AKT3: variants seen among roughly 807,000 people sequenced by gnomAD.
AKT3 encodes the protein AKT serine/threonine kinase 3, also known as RAC-gamma serine/threonine-protein kinase.
AKT3 carries 15 observed loss-of-function variants against 65.3 expected under a neutral mutation model. That is an observed-to-expected ratio of 0.23 (90% CI 0.15 to 0.35). AKT3 has a LOEUF of 0.35. Ranked by LOEUF, AKT3 falls within the 10% of genes least tolerant of loss-of-function variation. The probability of loss-of-function intolerance (pLI) is 1.00; values close to 1 mark genes in which losing one functional copy is unlikely to be tolerated. For missense variants in AKT3, 243 were observed against 576.5 expected (o/e 0.42, Z 5.92); for synonymous variants, 206 against 183.8 (o/e 1.12, Z -0.98).
At chr1:243,566,880 T>C (rs1048705056) in intron 9 of AKT3, among the ~76,000 whole-genome samples, 2 of 152,222 alleles carry the variant, frequency 1.3e-5, no homozygotes, top group Admixed American at 1.3e-4. Flanking sequence ...AAACACTGTA[T>C]TTTAAAGAAA....
chr1:243,683,187 T>C (rs542269239), intron 3 of AKT3, among the ~76,000 whole-genome samples: 36 of 152,280 alleles, frequency 2.4e-4, no homozygotes, highest in African/African-American at 8.2e-4. Flanking sequence ...ATGGGGAGCA[T>C]AATACTTACC....
At chr1:243,661,187 C>T (rs893027985) in intron 4 of AKT3, among the ~76,000 whole-genome samples, 12 of 152,150 alleles carry the variant, frequency 7.9e-5, no homozygotes, top group Non-Finnish European at 1.3e-4. Flanking sequence ...TGACTTTCTT[C>T]ACAGAATTGG....
At chr1:243,772,532 A>C (rs1360862942) in intron 2 of AKT3, among the ~76,000 whole-genome samples, 1 of 152,176 alleles carries the variant, frequency 6.6e-6, no homozygotes, top group African/African-American at 2.4e-5. Flanking sequence ...AAAAGTCAGG[A>C]AACAACAGGT....
intron 2 of AKT3, among the ~76,000 whole-genome samples, chr1:243,778,393 T>C (rs1271786402): frequency 1.3e-5 from 2 of 152,134 alleles, no homozygotes; most frequent in African/African-American, 2.4e-5. Flanking sequence ...CCAGAGAAGA[T>C]GACACAAACT....
chr1:243,632,230 T>C (rs569560396), intron 6 of AKT3, among the ~76,000 whole-genome samples: 3 of 152,296 alleles, frequency 2.0e-5, no homozygotes, highest in South Asian at 4.1e-4. Context: ...ATAATAAGAC[T>C]TGAAAGTTGA....
chr1:243,530,981 ATATG>A (rs1041571497), intron 12 of AKT3, among the ~76,000 whole-genome samples: 1 of 152,242 alleles, frequency 6.6e-6, no homozygotes, highest in Non-Finnish European at 1.5e-5. Flanking sequence ...ACATTGTACT[ATATG>A]TATTTTCAAA....
rs543957108 is a variant in AKT3, at chr1:243,563,903, ATACCAT to A, written c.820-61_820-56del. 431 of 1,525,044 alleles carry A rather than the reference ATACCAT, an allele frequency of 2.8e-4. 1 individual carries two copies. In the African/African-American group the frequency reaches 5.3e-3, roughly 19 times the overall value. 94.5% of individuals were successfully genotyped at this position (1,525,044 alleles called of 1,614,324 possible). Reference sequence around the variant, plus strand: ...TTCTATAGTCTTCAACAACATGAAAATACCATTTTAAAAAACTACTGAATGCTGAGT... The same window carrying A: ...TTCTATAGTCTTCAACAACATGAAAATTTAAAAAACTACTGAATGCTGAGT... On this transcript the variant is annotated intron_variant, in intron 9 of 13. Coordinates refer to ENST00000673466, the MANE Select transcript of AKT3 (RefSeq NM_005465.7).
downstream of AKT3, among the ~76,000 whole-genome samples, chr1:243,498,470 C>T (rs1329913813): frequency 6.6e-6 from 1 of 152,196 alleles, no homozygotes; most frequent in Non-Finnish European, 1.5e-5. Flanking sequence ...GTGAGGCCTC[C>T]TGCCGGAGCC....
At chr1:243,518,317 T>C (rs1309809669) in intron 12 of AKT3, among the ~76,000 whole-genome samples, 3 of 152,136 alleles carry the variant, frequency 2.0e-5, no homozygotes, top group East Asian at 1.9e-4. Flanking sequence ...ATGGGGAACA[T>C]TGTCGGGTAG....
intron 2 of AKT3, among the ~76,000 whole-genome samples, chr1:243,773,171 G>A (rs1690304483): frequency 6.7e-6 from 1 of 148,516 alleles, no homozygotes; most frequent in Admixed American, 6.7e-5. Context: ...ATGTACCCTA[G>A]AACTTAAAGT....
intron 2 of AKT3, chr1:243,814,845 C>G (rs772695715): frequency 6.6e-6 from 1 of 152,210 alleles, no homozygotes; most frequent in Non-Finnish European, 1.5e-5. Context: ...AGCAAAACTA[C>G]GATCAGCACT....
intron 10 of AKT3, among the ~76,000 whole-genome samples, chr1:243,559,400 C>G (rs1435525109): frequency 6.6e-6 from 1 of 152,138 alleles, no homozygotes; most frequent in African/African-American, 2.4e-5. Context: ...GCATTGTAAG[C>G]TGCATTCTTC....
chr1:243,512,501 G>C (rs1222780410), intron 12 of AKT3, 75 bp from the exon 13 acceptor site: 2 of 887,574 alleles, frequency 2.3e-6, no homozygotes, highest in East Asian at 2.6e-5. Context: ...AAAAAGCAGA[G>C]AGCACGTAGT....
At position 243,685,712 on chromosome 1, in the gene AKT3, C is replaced by G. The variant is rs138054103; in HGVS notation, c.172+9879G>C. Among the ~76,000 whole-genome samples the G allele has an allele frequency of 3.4e-4, 51 of 152,214 alleles. 1 individual carries two copies. In the East Asian group the frequency reaches 9.9e-3, roughly 29 times the overall value. On this transcript the variant is annotated intron_variant, in intron 3 of 13. Transcript: ENST00000673466. ...AACCAGCACAAGACAAGGATGCCCT[C>G]TCTCACCACTCCTATTCAACATAGT...
intron 13 of AKT3, among the ~76,000 whole-genome samples, chr1:243,510,576 G>T (rs1350865716): frequency 6.6e-6 from 1 of 152,212 alleles, no homozygotes; most frequent in South Asian, 2.1e-4. Flanking sequence ...AGTAAGATCA[G>T]GGAAGAAGAG....
intron 3 of AKT3, among the ~76,000 whole-genome samples, chr1:243,692,920 G>A (rs548247881): frequency 6.6e-6 from 1 of 151,968 alleles, no homozygotes; most frequent in Admixed American, 6.6e-5. Context: ...TAGCAATTAA[G>A]TGGTCACTCA....
intron 4 of AKT3, among the ~76,000 whole-genome samples, chr1:243,661,400 G>A (rs560000595): frequency 2.9e-4 from 43 of 150,472 alleles, no homozygotes; most frequent in South Asian, 2.1e-4. Flanking sequence ...CAGAAATGAC[G>A]CATATCTACA....
chr1:243,773,629 C>A (rs1341634978), intron 2 of AKT3, among the ~76,000 whole-genome samples: 1 of 151,690 alleles, frequency 6.6e-6, no homozygotes, highest in Non-Finnish European at 1.5e-5. Context: ...CATCGCCCCC[C>A]ACAAAAAAAA....
In AKT3 at chr1:243,619,866, T is replaced by C. The variant is rs1678605398; in HGVS notation, c.562-4705A>G. Among the ~76,000 whole-genome samples the C allele has an allele frequency of 2.0e-5, 2 of 98,614 alleles. 1 individual carries two copies. Among genetic ancestry groups the C allele is most frequent in the Non-Finnish European group, 5.6e-5 (2 of 35,406 alleles). The allele number at this position is 98,614 out of a possible 152,430, so 64.7% of individuals were successfully genotyped here. A position where few individuals can be genotyped will look rare whatever the true frequency, so the allele number is the denominator to read the frequency against. ...GTTTTGGATATATATATGGTAGTTC[T>C]ATTTTTAGTTTTTGAGGAACTTTCA... On this transcript the variant is annotated intron_variant, in intron 6 of 13. Transcript: ENST00000673466.
Sources: allele counts gnomAD v4.1 joint callset (sites outside exome capture counted in the v4.1 genomes callset), GRCh38; gene constraint gnomAD v4.1.1; transcripts MANE v1.5; gene names NCBI Gene and HGNC (gene_info 2026-07-23, HGNC 2026-07-21).